Variants in FGF13 observed in about 807,000 individuals in gnomAD.
FGF13 encodes fibroblast growth factor homologous factor 2.
FGF13 carries 2 observed loss-of-function variants against 19.5 expected under a neutral mutation model. The observed-to-expected ratio is 0.10, with a 90% CI of 0.04 to 0.32. The LOEUF is 0.32. Among genes scored for constraint, FGF13 ranks in the 10% least tolerant of loss-of-function variants. The probability of loss-of-function intolerance (pLI) is 1.00; values close to 1 mark genes in which losing one functional copy is unlikely to be tolerated. For synonymous variants in FGF13, 72 were observed against 76.9 expected (o/e 0.94, Z 0.33); for missense variants, 113 against 192.7 (o/e 0.59, Z 2.45).
intron 1 of FGF13, among the ~76,000 whole-genome samples, chrX:138,893,836 T>C (rs780973851): frequency 9.0e-6 from 1 of 111,358 alleles, no homozygotes; most frequent in African/African-American, 3.3e-5. Context: ...ACAATTGTAA[T>C]GCTGACTCCA....
intron 3 of FGF13, among the ~76,000 whole-genome samples, chrX:138,702,020 C>T (rs1475259793): frequency 1.8e-5 from 2 of 111,614 alleles, no homozygotes; most frequent in Non-Finnish European, 3.8e-5. Flanking sequence ...CGGTGGCTCA[C>T]GCCTGTAATC....
intron 1 of FGF13, among the ~76,000 whole-genome samples, chrX:138,928,269 A>G (rs967484874): frequency 2.7e-5 from 3 of 110,510 alleles, no homozygotes; most frequent in Non-Finnish European, 5.7e-5. Flanking sequence ...ATTTTAATTT[A>G]TATATTAAAT....
intron 1 of FGF13, among the ~76,000 whole-genome samples, chrX:139,197,746 C>T (rs192259430): frequency 1.9e-3 from 216 of 111,404 alleles, no homozygotes; most frequent in African/African-American, 6.6e-3. Context: ...AATCCCAGCA[C>T]TTTGGGAGGC....
chrX:139,037,543 G>C (rs2092254675), intron 1 of FGF13, among the ~76,000 whole-genome samples: 1 of 111,532 alleles, frequency 9.0e-6, no homozygotes, highest in East Asian at 2.8e-4. Context: ...TTAGCAGTCT[G>C]TGTTTCTCCT....
At chrX:138,678,003 G>A (rs1449049804) in intron 3 of FGF13, among the ~76,000 whole-genome samples, 2 of 111,990 alleles carry the variant, frequency 1.8e-5, no homozygotes, top group Non-Finnish European at 1.9e-5. Context: ...GCAGCCATAA[G>A]AAATGATGAG....
chrX:138,849,508 G>A (rs1453553713), intron 3 of FGF13, among the ~76,000 whole-genome samples: 1 of 111,866 alleles, frequency 8.9e-6, no homozygotes, highest in East Asian at 2.8e-4. Flanking sequence ...GTGAAAATTG[G>A]AGCAGAGGGA....
intron 1 of FGF13, among the ~76,000 whole-genome samples, chrX:139,013,477 TTTTATATATA>T: frequency 1.5e-5 from 1 of 64,746 alleles, no homozygotes; most frequent in East Asian, 5.0e-4. Context: ...ATAAAGAAAA[TTTTATATATA>T]TATATATATA....
chrX:138,635,182 G>A (rs1348347841), intron 4 of FGF13, among the ~76,000 whole-genome samples: 2 of 111,880 alleles, frequency 1.8e-5, no homozygotes, highest in South Asian at 3.7e-4. Context: ...TTAAGTGGGA[G>A]CTAAGCTATG....
At chrX:138,774,313 C>T (rs886327580) in intron 3 of FGF13, among the ~76,000 whole-genome samples, 8 of 111,585 alleles carry the variant, frequency 7.2e-5, no homozygotes, top group South Asian at 3.8e-4. Flanking sequence ...ATGATGGTGA[C>T]GAAGACAGCT....
At chrX:139,180,842 A>ACAT (rs1156978145) in intron 1 of FGF13, among the ~76,000 whole-genome samples, 1 of 111,790 alleles carries the variant, frequency 8.9e-6, no homozygotes, top group Admixed American at 9.5e-5. Context: ...AAAGAACCCT[A>ACAT]CATCTGTGTT....
intron 3 of FGF13, among the ~76,000 whole-genome samples, chrX:138,669,974 C>T (rs1181969740): frequency 3.6e-5 from 4 of 111,834 alleles, no homozygotes; most frequent in Non-Finnish European, 7.5e-5. Flanking sequence ...ACCTGTCACA[C>T]TCTTCTTTCA....
intron 1 of FGF13, among the ~76,000 whole-genome samples, chrX:138,873,307 G>C (rs2091368385): frequency 9.0e-6 from 1 of 111,449 alleles, no homozygotes; most frequent in Non-Finnish European, 1.9e-5. Context: ...TGCCGGTTTG[G>C]TCCTTCACAG....
chrX:139,150,104 G>A (rs2083922162), intron 1 of FGF13, among the ~76,000 whole-genome samples: 2 of 111,412 alleles, frequency 1.8e-5, no homozygotes, highest in Non-Finnish European at 3.8e-5. Flanking sequence ...CAAATGAGAG[G>A]GAGGACAGTG....
chrX:139,091,355 A>C (rs1397097445), intron 1 of FGF13, among the ~76,000 whole-genome samples: 1 of 110,682 alleles, frequency 9.0e-6, no homozygotes, highest in Non-Finnish European at 1.9e-5. Context: ...GAGGAGGGAG[A>C]GGATCAGGAA....
At chrX:138,809,280 C>G (rs7054763) in intron 3 of FGF13, among the ~76,000 whole-genome samples, 185 of 111,799 alleles carry the variant, frequency 1.7e-3, no homozygotes, top group African/African-American at 5.6e-3. Flanking sequence ...GGGATGCAAG[C>G]CTGGTTCAAC....
At chrX:138,729,174 A>G (rs2090209032) in intron 1 of FGF13, among the ~76,000 whole-genome samples, 1 of 111,793 alleles carries the variant, frequency 8.9e-6, no homozygotes, top group Non-Finnish European at 1.9e-5. Flanking sequence ...AACATACTCA[A>G]GTGATAGATC....
chrX:138,874,155 A>T lies in FGF13; in HGVS notation c.-112-9505T>A, dbSNP rs866937844. On this transcript the variant is annotated intron_variant, in intron 1 of 2. Coordinates refer to the FGF13 transcript ENST00000421460. Reference sequence around the variant, plus strand: ...ATACCCTAGAACTTAAAGTATAATAAATATATATATATATATATATAAAGT... The same window carrying T: ...ATACCCTAGAACTTAAAGTATAATATATATATATATATATATATATAAAGT... Among the ~76,000 whole-genome samples the T allele has an allele frequency of 6.4e-3, 631 of 98,148 alleles. 1 individual carries two copies. Among genetic ancestry groups the T allele is most frequent in the Non-Finnish European group, 9.2e-3 (452 of 49,273 alleles). The allele number at this position is 98,148 out of a possible 115,157, so 85.2% of individuals were successfully genotyped here.
chrX:138,815,383 T>A (rs2090954932), intron 3 of FGF13, among the ~76,000 whole-genome samples: 1 of 111,330 alleles, frequency 9.0e-6, no homozygotes, highest in Admixed American at 9.7e-5. Flanking sequence ...TTAATTAGCT[T>A]GACGTAATCA....
intron 1 of FGF13, among the ~76,000 whole-genome samples, chrX:139,148,918 T>A (rs1757005803): frequency 9.0e-6 from 1 of 111,355 alleles, no homozygotes; most frequent in Admixed American, 9.6e-5. Context: ...AACATAGGAA[T>A]TTGTCAGACA....
Sources: allele counts gnomAD v4.1 joint callset (sites outside exome capture counted in the v4.1 genomes callset), GRCh38; gene constraint gnomAD v4.1.1; transcripts MANE v1.5; gene names NCBI Gene and HGNC (gene_info 2026-07-23, HGNC 2026-07-21).